Variants in CFAP157 observed in about 807,000 individuals in gnomAD.
CFAP157 encodes cilia- and flagella-associated protein 157.
A neutral mutation model predicts 57.8 loss-of-function variants in CFAP157; 43 were observed. The ratio of observed to expected loss-of-function variants is 0.74; its 90% confidence interval spans 0.58 to 0.96. CFAP157 has a LOEUF of 0.96. Ranked by LOEUF, CFAP157 falls within the 40% of genes least tolerant of loss-of-function variation. CFAP157 has a pLI of 0.00. For missense variants in CFAP157, 606 were observed against 655.3 expected (o/e 0.92, Z 0.82); for synonymous variants, 267 against 269.0 (o/e 0.99, Z 0.07).
Position 127,712,874 on chromosome 9 carries a change from A to C in CFAP157, c.1303A>C (p.Ser435Arg). ...ACAGTCCCATGGCCCACCCAAGGAG[A>C]GGTAAGCAAGTGGCCCTGTGTGGCC... ...ESQSHGPPKE[S>R]RPSIQLPRTG... The change falls in exon 7 of 9, where the codon AGC (serine) becomes CGC (arginine). Residue 435 changes from serine (S) to arginine (R), a missense_variant and splice_region_variant. Transcript: ENST00000373295. 1 of 1,609,236 alleles carries C rather than the reference A, an allele frequency of 6.2e-7. No homozygotes were observed.
rs1405608753 is a variant in CFAP157, at chr9:127,711,960, GC to G, written c.986+13del. 6.2e-7 allele frequency: 1 copy of G among 1,603,210 alleles called. No individual in the cohort carries two copies. The highest frequency in any genetic ancestry group is 2.2e-5 in the East Asian group (1 of 44,578). On this transcript the variant is annotated intron_variant, in intron 5 of 8. Coordinates refer to ENST00000373295, the MANE Select transcript of CFAP157 (RefSeq NM_001012502.3). ...ATAACCAGGCACTGAAGTGCGTATGGCCCACGGAGGGGCGGGCGGCGGGTGC... is the reference window on the plus strand; with the variant it reads ...ATAACCAGGCACTGAAGTGCGTATGGCCACGGAGGGGCGGGCGGCGGGTGC...
chr9:127,714,951 C>T lies in CFAP157; in HGVS notation c.*1046C>T. The stretch of plus-strand genomic sequence containing the variant: ...ACCCCCACCCCCTTGGCCCGCCCGC[C>T]CACCCCTGGCGCTCTCAACTCACCA... On this transcript the variant is annotated 3_prime_UTR_variant, in exon 9 of 9. Coordinates refer to ENST00000373295, the MANE Select transcript of CFAP157 (RefSeq NM_001012502.3). 1 of 692,188 alleles carries T rather than the reference C, an allele frequency of 1.4e-6. No homozygotes were observed. Among genetic ancestry groups the T allele is most frequent in the Non-Finnish European group, 2.2e-6 (1 of 463,920 alleles). The allele number at this position is 692,188 out of a possible 1,614,324, so 42.9% of individuals were successfully genotyped here. A position where few individuals can be genotyped will look rare whatever the true frequency, so the allele number is the denominator to read the frequency against.
Position 127,713,980 on chromosome 9 carries a change from C to G in CFAP157, c.*75C>G. ...CACCCCCACTTTAATCCGCAGGCAG[C>G]CTGGAACAGTCTAGAGGAGATTTGT... is the stretch of plus-strand genomic sequence containing the variant. On this transcript the variant is annotated 3_prime_UTR_variant, in exon 9 of 9. Coordinates refer to ENST00000373295, the MANE Select transcript of CFAP157 (RefSeq NM_001012502.3). 6.3e-7 allele frequency: 1 copy of G among 1,577,166 alleles called. No homozygotes were observed. Among genetic ancestry groups the G allele is most frequent in the Non-Finnish European group, 8.7e-7 (1 of 1,147,062 alleles).
intron 3 of CFAP157, 89 bp downstream of exon 3, chr9:127,710,843 G>C (rs1046053615): frequency 3.8e-5 from 55 of 1,433,076 alleles, no homozygotes; most frequent in South Asian, 9.1e-5. Context: ...GCTTCTAACT[G>C]GGGGGTTAGA....
intron 2 of CFAP157, 85 bp from the exon 3 acceptor site, chr9:127,710,516 G>C: frequency 6.7e-7 from 1 of 1,492,122 alleles, no homozygotes; most frequent in Admixed American, 2.0e-5. Context: ...AAGGGACAGG[G>C]ACCTAAGGGG....
intron 5 of CFAP157, 70 bp downstream of exon 5, chr9:127,712,020 G>T: frequency 6.5e-7 from 1 of 1,544,210 alleles, no homozygotes; most frequent in East Asian, 2.3e-5. Flanking sequence ...AGCTCTTTCC[G>T]ATCCCACGAC....
chr9:127,711,573 G>A (rs1842765974), intron 4 of CFAP157, 77 bp downstream of exon 4: 2 of 1,528,440 alleles, frequency 1.3e-6, no homozygotes, highest in Non-Finnish European at 1.8e-6. Context: ...CAGGGGTAGA[G>A]TCAGGGGCAG....
In CFAP157 at chr9:127,711,465, T is replaced by A; in HGVS notation, c.824T>A (p.Val275Asp). 6.2e-7 allele frequency: 1 copy of A among 1,613,808 alleles called. No homozygotes were observed. Among genetic ancestry groups the A allele is most frequent in the Non-Finnish European group, 8.5e-7 (1 of 1,179,980 alleles). Residue 275 changes from valine (V) to aspartate (D), a missense_variant, in exon 4 of 9, where the codon GTC (valine) becomes GAC (aspartate). Transcript: ENST00000373295. The part of the protein sequence containing the change: ...QLELLENTQK[V>D]MARHKRGHQK... Reference sequence around the variant, plus strand: ...GAGCTGCTGGAGAACACCCAGAAGGTCATGGCCAGGCACAAAAGAGGCCAC... The same window carrying A: ...GAGCTGCTGGAGAACACCCAGAAGGACATGGCCAGGCACAAAAGAGGCCAC...
intron 6 of CFAP157, 71 bp downstream of exon 6, chr9:127,712,420 G>T: frequency 6.3e-7 from 1 of 1,576,646 alleles, no homozygotes; most frequent in Non-Finnish European, 8.6e-7. Flanking sequence ...TGCTTGCAGA[G>T]AAGGGGCTGC....
At position 127,707,116 on chromosome 9, in the gene CFAP157, G is replaced by A. The variant is rs568950596; in HGVS notation, c.85G>A (p.Val29Met). The A allele has an allele frequency of 6.0e-5, 97 of 1,613,726 alleles. 2 individuals are homozygous for A. Among genetic ancestry groups the A allele is most frequent in the South Asian group, 4.7e-4 (43 of 91,080 alleles). Residue 29 changes from valine to methionine, a missense_variant, in exon 1 of 9, where the codon GTG becomes ATG. Val to Met is a conservative substitution (Grantham distance 21). Transcript: ENST00000373295. Reference protein sequence around the residue: ...KGGKKEPVVAVEPPLAKEMKE... With the variant: ...KGGKKEPVVAMEPPLAKEMKE... ...GGGCAAGAAGGAGCCGGTGGTGGCC[G>A]TGGAGCCGCCTCTGGCCAAGGAGAT...
At position 127,709,547 on chromosome 9, in the gene CFAP157, A is replaced by T. The variant is rs764366532; in HGVS notation, c.287A>T (p.Asp96Val). Residue 96 changes from aspartate (D) to valine (V), a missense_variant, in exon 2 of 9, where the codon GAT becomes GTT. Transcript: ENST00000373295. This position sits in a 1 kb window ranked among gnomAD's most constrained non-coding sequence, Gnocchi z 4.7. Reference protein sequence around the residue: ...FLKRTLNQQVDEITDLNEQLQ... With the variant: ...FLKRTLNQQVVEITDLNEQLQ... ...AAGCGCACGCTCAACCAGCAGGTGGATGAGATCACAGACCTCAACGAGCAG... is the reference window on the plus strand; with the variant it reads ...AAGCGCACGCTCAACCAGCAGGTGGTTGAGATCACAGACCTCAACGAGCAG... 6 of 1,614,126 alleles carry T rather than the reference A, an allele frequency of 3.7e-6. No individual in the cohort carries two copies. In the Admixed American group the frequency reaches 5.0e-5, roughly 13 times the overall value.
At position 127,715,631 on chromosome 9, in the gene CFAP157, C is replaced by A. The variant is rs752256120; in HGVS notation, c.*1726C>A. 1.2e-6 allele frequency: 2 copies of A among 1,612,062 alleles called. No homozygotes were observed. Among genetic ancestry groups the A allele is most frequent in the African/African-American group, 1.3e-5 (1 of 75,062 alleles). ...GCTGTCCGGCGCCCAAAAAGCCGCCCGGCCTCATGCTGCCCCCATTCACTC... is the reference window on the plus strand; with the variant it reads ...GCTGTCCGGCGCCCAAAAAGCCGCCAGGCCTCATGCTGCCCCCATTCACTC... On this transcript the variant is annotated 3_prime_UTR_variant, in exon 9 of 9. Transcript: ENST00000373295. This position sits in a 1 kb window ranked among gnomAD's most constrained non-coding sequence, Gnocchi z 5.8.
intron 8 of CFAP157, chr9:127,713,496 CTTTTTTTTTTTTTTTT>C (rs58502035): frequency 9.9e-5 from 9 of 90,928 alleles, no homozygotes; most frequent in Admixed American, 3.2e-4. Flanking sequence ...CAGCATCTTT[CTTTTTTTTTTTTTTTT>C]TTTTTTTTTT....
At position 127,715,061 on chromosome 9, in the gene CFAP157, G is replaced by A. The variant is rs1025954686; in HGVS notation, c.*1156G>A. 3 of 1,527,486 alleles carry A rather than the reference G, an allele frequency of 2.0e-6. No homozygotes were observed. Among genetic ancestry groups the A allele is most frequent in the African/African-American group, 2.8e-5 (2 of 72,572 alleles). The allele number at this position is 1,527,486 out of a possible 1,614,324, so 94.6% of individuals were successfully genotyped here. A position where few individuals can be genotyped will look rare whatever the true frequency, so the allele number is the denominator to read the frequency against. On this transcript the variant is annotated 3_prime_UTR_variant, in exon 9 of 9. Transcript: ENST00000373295. This position sits in a 1 kb window ranked among gnomAD's most constrained non-coding sequence, Gnocchi z 5.8. ...TTGGGCATCCCCCAGCGGGGCCAGG[G>A]CGAGGTCGGCGGCACAGTGCCGGTC... is the stretch of plus-strand genomic sequence containing the variant.
rs1842739685 is a variant in CFAP157, at chr9:127,710,491, C to T, written c.434-110C>T. 5.2e-6 allele frequency: 7 copies of T among 1,348,666 alleles called. No individual in the cohort carries two copies. In the South Asian group the frequency reaches 9.8e-5, roughly 19 times the overall value. The allele number at this position is 1,348,666 out of a possible 1,614,324, so 83.5% of individuals were successfully genotyped here. A position where few individuals can be genotyped will look rare whatever the true frequency, so the allele number is the denominator to read the frequency against. On this transcript the variant is annotated intron_variant, in intron 2 of 8. Coordinates refer to ENST00000373295, the MANE Select transcript of CFAP157 (RefSeq NM_001012502.3). Reference sequence around the variant, plus strand: ...TGGTAGACCTGCCCCACTGAGACCACACAGGGCGCACAGGAAGGGACAGGG... The same window carrying T: ...TGGTAGACCTGCCCCACTGAGACCATACAGGGCGCACAGGAAGGGACAGGG...
rs972437141 is a variant in CFAP157 at position 127,713,013 on chromosome 9, C to T, written c.1305-7C>T. The T allele has an allele frequency of 1.9e-6, 3 of 1,612,040 alleles. No individual in the cohort carries two copies. The highest frequency in any genetic ancestry group is 2.5e-6 in the Non-Finnish European group (3 of 1,179,228). Reference sequence around the variant, plus strand: ...AGGCTCTGTGACCCTCGGCCCCCTCCCCACAGCCGGCCCAGCATCCAGCTG... The same window carrying T: ...AGGCTCTGTGACCCTCGGCCCCCTCTCCACAGCCGGCCCAGCATCCAGCTG... On this transcript the variant is annotated splice_polypyrimidine_tract_variant and splice_region_variant and intron_variant, in intron 7 of 8. Coordinates refer to ENST00000373295, the MANE Select transcript of CFAP157 (RefSeq NM_001012502.3).
Position 127,715,063 on chromosome 9 carries a change from G to A in CFAP157, c.*1158G>A, listed in dbSNP as rs1213764322. 4 of 1,527,798 alleles carry A rather than the reference G, an allele frequency of 2.6e-6. No homozygotes were observed. In the African/African-American group the frequency reaches 5.5e-5, roughly 21 times the overall value. The allele number at this position is 1,527,798 out of a possible 1,614,324, so 94.6% of individuals were successfully genotyped here. A position where few individuals can be genotyped will look rare whatever the true frequency, so the allele number is the denominator to read the frequency against. ...GGGCATCCCCCAGCGGGGCCAGGGC[G>A]AGGTCGGCGGCACAGTGCCGGTCGC... On this transcript the variant is annotated 3_prime_UTR_variant, in exon 9 of 9. Coordinates refer to ENST00000373295, the MANE Select transcript of CFAP157 (RefSeq NM_001012502.3). The surrounding 1 kb of genome is among the most constrained non-coding windows in gnomAD (Gnocchi z 5.8).
chr9:127,713,136 AC>A lies in CFAP157; in HGVS notation c.1426del (p.Gln476ArgfsTer29). The A allele has an allele frequency of 6.2e-7, 1 of 1,609,704 alleles. No individual in the cohort carries two copies. Among genetic ancestry groups the A allele is most frequent in the Admixed American group, 1.7e-5 (1 of 59,494 alleles). On this transcript the variant is annotated frameshift_variant, in exon 8 of 9. Coordinates refer to ENST00000373295, the MANE Select transcript of CFAP157 (RefSeq NM_001012502.3). LOFTEE classifies it high-confidence loss of function. ...CCTCGCCAGGTCCACATCCCACCCA[AC>A]CCCCAGGACCTCAGGCTGCTGTCAT... ...LVPRQVHIPP[N>X]PQDLRLLSYI...
At position 127,714,088 on chromosome 9, in the gene CFAP157, T is replaced by C. The variant is rs956329857; in HGVS notation, c.*183T>C. 2 of 1,610,340 alleles carry C rather than the reference T, an allele frequency of 1.2e-6. No homozygotes were observed. Among genetic ancestry groups the C allele is most frequent in the Admixed American group, 1.7e-5 (1 of 59,396 alleles). ...GGCACTACAGTCAGGCAGGCAGCCA[T>C]GGCCACTAGTGTCACGGCCCCAGTG... On this transcript the variant is annotated 3_prime_UTR_variant, in exon 9 of 9. Coordinates refer to ENST00000373295, the MANE Select transcript of CFAP157 (RefSeq NM_001012502.3).
Sources: allele counts gnomAD v4.1 joint callset, GRCh38; gene constraint gnomAD v4.1.1; non-coding constraint Gnocchi (gnomAD v3.1); transcripts MANE v1.5; gene names NCBI Gene and HGNC (gene_info 2026-07-23, HGNC 2026-07-21).